FBXL7: variants seen among roughly 807,000 people sequenced by gnomAD.
FBXL7 encodes the protein F-box and leucine rich repeat protein 7, also known as F-box/LRR-repeat protein 7.
In FBXL7, 12 loss-of-function variants were observed where a neutral mutation model predicts 38.3. The ratio of observed to expected loss-of-function variants is 0.31; its 90% CI spans 0.20 to 0.51. The LOEUF is 0.51. FBXL7 is among the 20% of genes least tolerant of loss of function. The pLI, the probability that FBXL7 is intolerant of heterozygous loss-of-function variation, is 0.98. For synonymous variants in FBXL7, 297 were observed against 300.9 expected, an observed-to-expected ratio of 0.99 and a Z score of 0.13; for missense variants, 567 against 676.4, an observed-to-expected ratio of 0.84 and a Z score of 1.79.
chr5:15,607,709 A>G (rs910507379), intron 1 of FBXL7, among the ~76,000 whole-genome samples: 1 of 152,230 alleles, frequency 6.6e-6, no homozygotes, highest in Non-Finnish European at 1.5e-5. Flanking sequence ...TTGCTGAGTT[A>G]ATAGTGTGTC....
rs368865732 is a variant in FBXL7 at position 15,523,669 on chromosome 5, G to T, written c.37+22956G>T. 2.6e-4 allele frequency among the ~76,000 whole-genome samples: 40 copies of T among 152,272 alleles called. No homozygotes were observed. The South Asian group carries it at 8.3e-3, about 32-fold the overall frequency. On this transcript the variant is annotated intron_variant, in intron 1 of 3. Transcript: ENST00000504595. ...AAGGCTGCTTCTGTCTTCTTGGCCTGTTACCGTCCGTGGCGCCTTCTGCAC... is the reference window on the plus strand; with the variant it reads ...AAGGCTGCTTCTGTCTTCTTGGCCTTTTACCGTCCGTGGCGCCTTCTGCAC...
intron 2 of FBXL7, among the ~76,000 whole-genome samples, chr5:15,805,566 A>C (rs939924850): frequency 6.6e-6 from 1 of 152,110 alleles, no homozygotes; most frequent in African/African-American, 2.4e-5. Context: ...TCTAATTACA[A>C]AGTTCTTTGA....
chr5:15,902,770 A>G (rs1741260855), intron 2 of FBXL7, among the ~76,000 whole-genome samples: 1 of 152,254 alleles, frequency 6.6e-6, no homozygotes, highest in African/African-American at 2.4e-5. Flanking sequence ...AGCTGTACTC[A>G]GAAATCCAAG....
chr5:15,920,145 G>A lies in FBXL7; in HGVS notation c.128-7745G>A, dbSNP rs564493503. On this transcript the variant is annotated intron_variant, in intron 2 of 3. Transcript: ENST00000504595. ...GCTGGCAGGCGCCTGTAATCCCAGCGACTCAGGAGGCTGAGGCAGGAGAAT... is the reference window on the plus strand; with the variant it reads ...GCTGGCAGGCGCCTGTAATCCCAGCAACTCAGGAGGCTGAGGCAGGAGAAT... 5.5e-4 allele frequency among the ~76,000 whole-genome samples: 84 copies of A among 152,088 alleles called. 1 individual carries two copies. Among genetic ancestry groups the A allele is most frequent in the African/African-American group, 2.0e-3 (81 of 41,498 alleles).
chr5:15,795,499 G>C (rs1737392164), intron 2 of FBXL7, among the ~76,000 whole-genome samples: 3 of 152,202 alleles, frequency 2.0e-5, no homozygotes, highest in East Asian at 3.9e-4. Flanking sequence ...ATGCCTACCG[G>C]CCAGATATTG....
At chr5:15,806,230 T>A (rs1488109998) in intron 2 of FBXL7, among the ~76,000 whole-genome samples, 3 of 152,178 alleles carry the variant, frequency 2.0e-5, no homozygotes, top group East Asian at 3.9e-4. Context: ...TTTTATTCTC[T>A]CAAGTAATTT....
chr5:15,505,055 A>G lies in FBXL7; in HGVS notation c.37+4342A>G, dbSNP rs540182636. On this transcript the variant is annotated intron_variant, in intron 1 of 3. Transcript: ENST00000504595. The stretch of plus-strand genomic sequence containing the variant: ...CCAAGGGCAGTGAATTCCTTTCACC[A>G]TCTCAGATCGGTGCTGTCAGATATG... Among the ~76,000 whole-genome samples, 7 of 152,344 alleles carry G rather than the reference A, an allele frequency of 4.6e-5. No homozygotes were observed. The South Asian group carries it at 6.2e-4, about 14-fold the overall frequency.
At chr5:15,709,541 G>T (rs202122204) in intron 2 of FBXL7, among the ~76,000 whole-genome samples, 3 of 89,520 alleles carry the variant, frequency 3.4e-5, no homozygotes, top group African/African-American at 1.2e-4. Context: ...CTCAAAAAAA[G>T]AAAAAAAAAA....
chr5:15,887,281 A>G (rs2126361167), intron 2 of FBXL7, among the ~76,000 whole-genome samples: 1 of 152,288 alleles, frequency 6.6e-6, no homozygotes, highest in South Asian at 2.1e-4. Context: ...ACAAAAGAGC[A>G]GGCTCTGGGA....
intron 1 of FBXL7, among the ~76,000 whole-genome samples, chr5:15,603,365 A>C (rs886436069): frequency 6.6e-6 from 1 of 152,218 alleles, no homozygotes; most frequent in Admixed American, 6.5e-5. Flanking sequence ...CTTGCAATTT[A>C]CTTATTTACT....
chr5:15,698,723 AG>A (rs1215959242), intron 2 of FBXL7, among the ~76,000 whole-genome samples: 1 of 152,206 alleles, frequency 6.6e-6, no homozygotes, highest in Non-Finnish European at 1.5e-5. Context: ...TATTGAGTCC[AG>A]TTGCTTAAAA....
At chr5:15,694,123 G>A (rs1331537565) in intron 2 of FBXL7, among the ~76,000 whole-genome samples, 1 of 152,130 alleles carries the variant, frequency 6.6e-6, no homozygotes, top group African/African-American at 2.4e-5. Context: ...CTGTGGGGTC[G>A]GAGCCCGTAC....
intron 2 of FBXL7, among the ~76,000 whole-genome samples, chr5:15,657,817 G>A (rs1356346458): frequency 6.6e-6 from 1 of 150,840 alleles, no homozygotes; most frequent in South Asian, 2.1e-4. Flanking sequence ...CAGCTTGGGC[G>A]ACAAGAGTGA....
intron 1 of FBXL7, among the ~76,000 whole-genome samples, chr5:15,510,755 A>G (rs541359036): frequency 5.3e-4 from 81 of 152,362 alleles, no homozygotes; most frequent in Non-Finnish European, 8.8e-4. Flanking sequence ...TGCCAAGTTT[A>G]TTCCATTTTC....
intron 2 of FBXL7, among the ~76,000 whole-genome samples, chr5:15,616,275 G>A (rs1310739202): frequency 6.6e-6 from 1 of 152,094 alleles, no homozygotes; most frequent in African/African-American, 2.4e-5. Context: ...TGATTTGACG[G>A]GATTCAGGTG....
At chr5:15,721,104 C>T (rs1162109627) in intron 2 of FBXL7, among the ~76,000 whole-genome samples, 1 of 152,048 alleles carries the variant, frequency 6.6e-6, no homozygotes, top group Non-Finnish European at 1.5e-5. Context: ...GTTGTAAATG[C>T]TTGATAGAGA....
intron 2 of FBXL7, among the ~76,000 whole-genome samples, chr5:15,632,273 T>A (rs1472195623): frequency 6.6e-6 from 1 of 152,190 alleles, no homozygotes; most frequent in Non-Finnish European, 1.5e-5. Context: ...CCTAGGAATT[T>A]CACTCTAGAA....
intron 2 of FBXL7, among the ~76,000 whole-genome samples, chr5:15,895,994 C>T (rs1440999828): frequency 6.6e-6 from 1 of 151,228 alleles, no homozygotes; most frequent in East Asian, 2.0e-4. Context: ...GGATTTAAGA[C>T]ATGAGCTCAG....
At chr5:15,899,583 A>AT (rs1249681914) in intron 2 of FBXL7, among the ~76,000 whole-genome samples, 3 of 152,050 alleles carry the variant, frequency 2.0e-5, no homozygotes, top group Non-Finnish European at 4.4e-5. Flanking sequence ...AAACCAAAAA[A>AT]CCCTAGTTTT....
Sources: allele counts gnomAD v4.1 joint callset (sites outside exome capture counted in the v4.1 genomes callset), GRCh38; gene constraint gnomAD v4.1.1; transcripts MANE v1.5; gene names NCBI Gene and HGNC (gene_info 2026-07-23, HGNC 2026-07-21).